Variants in CRY1 observed in about 807,000 individuals in gnomAD.
CRY1 encodes the protein cryptochrome-1.
A neutral mutation model predicts 76.0 loss-of-function variants in CRY1; 45 were observed. The ratio of observed to expected loss-of-function variants is 0.59; its 90% CI spans 0.47 to 0.76. The LOEUF (loss-of-function observed/expected upper bound fraction) is 0.76, where lower values mean the gene tolerates loss of function less well. CRY1 is among the 30% of genes least tolerant of loss of function. The pLI is 0.00. For missense variants in CRY1, 587 were observed against 716.4 expected, an observed-to-expected ratio of 0.82 and a Z score of 2.06; for synonymous variants, 248 against 244.0, an observed-to-expected ratio of 1.02 and a Z score of -0.15.
chr12:106,997,587 T>A lies in CRY1; in HGVS notation c.1393A>T (p.Asn465Tyr). ...TGGTTCACCATTGGTTTAGGATAAT[T>A]AACTCCTATCAAACATTTGGCTACC... ...QKVAKCLIGV[N>Y]YPKPMVNHAE... Residue 465 changes from asparagine (N) to tyrosine (Y), a missense_variant, in exon 9 of 13, where the codon AAT becomes TAT. Transcript: ENST00000008527. 1 of 1,614,142 alleles carries A rather than the reference T, an allele frequency of 6.2e-7. No homozygotes were observed. The highest frequency in any genetic ancestry group is 1.7e-5 in the Admixed American group (1 of 60,032).
intron 1 of CRY1, among the ~76,000 whole-genome samples, chr12:107,028,587 G>A (rs1333211992): frequency 1.3e-5 from 2 of 152,032 alleles, no homozygotes; most frequent in African/African-American, 4.8e-5. Flanking sequence ...TGCTCTAATT[G>A]AAACATATAG....
chr12:107,064,686 T>C (rs1170290957), intron 1 of CRY1, among the ~76,000 whole-genome samples: 3 of 152,158 alleles, frequency 2.0e-5, no homozygotes, highest in South Asian at 2.1e-4. Context: ...AACTATGACA[T>C]GTAGGTGTTT....
At chr12:107,031,784 G>C (rs1952678049) in intron 1 of CRY1, among the ~76,000 whole-genome samples, 1 of 152,150 alleles carries the variant, frequency 6.6e-6, no homozygotes, top group Non-Finnish European at 1.5e-5. Context: ...ATTAAAAATA[G>C]AGAAAGCCTA....
intron 1 of CRY1, among the ~76,000 whole-genome samples, chr12:107,040,249 T>C (rs1952781481): frequency 6.6e-6 from 1 of 151,188 alleles, no homozygotes; most frequent in South Asian, 2.1e-4. Flanking sequence ...GTGTCAGTTA[T>C]GAGAGATGAA....
intron 1 of CRY1, among the ~76,000 whole-genome samples, chr12:107,036,312 A>T (rs780291933): frequency 2.0e-5 from 3 of 152,230 alleles, no homozygotes; most frequent in Non-Finnish European, 2.9e-5. Context: ...TTCATAGTCC[A>T]CATCTAAAAC....
rs1171867898 is a variant in CRY1, at chr12:107,026,185, T to C, written c.159-3993A>G. 1.6e-4 allele frequency among the ~76,000 whole-genome samples: 23 copies of C among 141,300 alleles called. 1 individual carries two copies. Among genetic ancestry groups the C allele is most frequent in the African/African-American group, 5.9e-4 (22 of 37,120 alleles). The allele number at this position is 141,300 out of a possible 152,430, so 92.7% of individuals were successfully genotyped here. ...TATATATATATATATTACATATATA[T>C]ATAAAATAAAACCTCCTCCTAATGG... On this transcript the variant is annotated intron_variant, in intron 1 of 12. Coordinates refer to ENST00000008527, the MANE Select transcript of CRY1 (RefSeq NM_004075.5).
intron 1 of CRY1, among the ~76,000 whole-genome samples, chr12:107,057,743 T>C (rs1953000249): frequency 6.8e-6 from 1 of 147,174 alleles, no homozygotes; most frequent in Non-Finnish European, 1.5e-5. Flanking sequence ...TAAGAATGAA[T>C]AAATAAATGA....
At chr12:107,012,416 T>C (rs1368778873) in intron 2 of CRY1, among the ~76,000 whole-genome samples, 2 of 152,232 alleles carry the variant, frequency 1.3e-5, no homozygotes, top group Admixed American at 6.5e-5. Context: ...CAACATGGTT[T>C]ATACATATTT....
At chr12:107,076,894 T>C (rs1407306779) in intron 1 of CRY1, among the ~76,000 whole-genome samples, 1 of 152,150 alleles carries the variant, frequency 6.6e-6, no homozygotes, top group Non-Finnish European at 1.5e-5. Context: ...ACTCTCTTGC[T>C]TCTGCCTTTG....
chr12:107,033,058 A>G (rs555460034), intron 1 of CRY1, among the ~76,000 whole-genome samples: 1 of 152,168 alleles, frequency 6.6e-6, no homozygotes. Flanking sequence ...AATGTTAAGA[A>G]TTTTTTAAAA....
intron 1 of CRY1, among the ~76,000 whole-genome samples, chr12:107,089,864 C>A (rs544097200): frequency 5.3e-5 from 8 of 152,076 alleles, no homozygotes; most frequent in African/African-American, 9.7e-5. Flanking sequence ...ATTCAACAAA[C>A]AATAATTGAG....
chr12:107,077,713 T>C (rs1438807775), intron 1 of CRY1, among the ~76,000 whole-genome samples: 1 of 152,194 alleles, frequency 6.6e-6, no homozygotes, highest in Non-Finnish European at 1.5e-5. Context: ...TCTAGTTATC[T>C]AACCAAAATT....
chr12:107,070,376 A>C (rs1418626605), intron 1 of CRY1, among the ~76,000 whole-genome samples: 1 of 152,234 alleles, frequency 6.6e-6, no homozygotes, highest in Non-Finnish European at 1.5e-5. Context: ...AATACAACAC[A>C]ATAGCATTTA....
intron 1 of CRY1, among the ~76,000 whole-genome samples, chr12:107,081,992 A>C (rs1319233741): frequency 6.6e-6 from 1 of 152,044 alleles, no homozygotes; most frequent in Non-Finnish European, 1.5e-5. Flanking sequence ...GTTGCTATAA[A>C]GATATCTAAA....
chr12:107,085,539 C>T (rs1953388210), intron 1 of CRY1, among the ~76,000 whole-genome samples: 1 of 152,112 alleles, frequency 6.6e-6, no homozygotes, highest in Non-Finnish European at 1.5e-5. Flanking sequence ...TGGAAAGCAT[C>T]ATTCTCAGCA....
chr12:106,993,525 C>A (rs564191404), intron 10 of CRY1, among the ~76,000 whole-genome samples: 1 of 151,830 alleles, frequency 6.6e-6, no homozygotes, highest in Admixed American at 6.6e-5. Flanking sequence ...CCTATCAACC[C>A]TTCTAAAAAC....
intron 1 of CRY1, among the ~76,000 whole-genome samples, chr12:107,075,023 A>C (rs1036709984): frequency 6.6e-6 from 1 of 151,928 alleles, no homozygotes; most frequent in Non-Finnish European, 1.5e-5. Context: ...CTCAAAAAAA[A>C]AACAACAAAA....
rs763021461 is a variant in CRY1, at chr12:106,997,695, G to C, written c.1290-5C>G. ...CTTAGGACAGGCAAATAACGCCTTT[G>C]GGAGAAAAAAGAAAGATTACTAATA... On this transcript the variant is annotated splice_region_variant and splice_polypyrimidine_tract_variant and intron_variant, in intron 8 of 12. Coordinates refer to ENST00000008527, the MANE Select transcript of CRY1 (RefSeq NM_004075.5). 2.5e-6 allele frequency: 4 copies of C among 1,612,760 alleles called. No individual in the cohort carries two copies. The highest frequency in any genetic ancestry group is 1.3e-5 in the African/African-American group (1 of 74,710).
At chr12:107,006,580 T>A (rs1302880609) in intron 2 of CRY1, among the ~76,000 whole-genome samples, 1 of 151,038 alleles carries the variant, frequency 6.6e-6, no homozygotes, top group Admixed American at 6.6e-5. Flanking sequence ...TATATTCCCA[T>A]CAGCAGTGCA....
Sources: gnomAD v4.1 joint callset for allele counts (sites outside exome capture counted in the v4.1 genomes callset) on GRCh38, gnomAD v4.1.1 for gene constraint, MANE v1.5 for transcripts, NCBI Gene and HGNC (gene_info 2026-07-23, HGNC 2026-07-21) for gene names.